SLK: variants seen among roughly 807,000 people sequenced by gnomAD.
SLK encodes STE20-like serine/threonine-protein kinase.
SLK carries 67 observed loss-of-function variants against 147.7 expected under a neutral mutation model. That is an observed-to-expected ratio of 0.45 (90% CI 0.37 to 0.56). SLK has a LOEUF of 0.56. Among genes scored for constraint, SLK ranks in the 20% least tolerant of loss-of-function variants. SLK has a pLI of 0.00. For missense variants in SLK, 1,136 were observed against 1,438.8 expected (o/e 0.79, Z 3.41); for synonymous variants, 441 against 475.0 (o/e 0.93, Z 0.93).
intron 1 of SLK, among the ~76,000 whole-genome samples, chr10:103,979,047 A>T (rs1170813595): frequency 6.6e-6 from 1 of 152,096 alleles, no homozygotes; most frequent in African/African-American, 2.4e-5. Context: ...ACAGGGTCTC[A>T]CTCTGTCGCC....
chr10:104,001,096 T>G (rs951049025), intron 7 of SLK, among the ~76,000 whole-genome samples: 146 of 148,902 alleles, frequency 9.8e-4, no homozygotes, highest in African/African-American at 3.4e-3. Flanking sequence ...AGTAATAATG[T>G]AGTGACCTGA....
rs377187237 is a variant in SLK at position 104,026,663 on chromosome 10, C to T, written c.*943C>T. The T allele has an allele frequency of 2.0e-5, 3 of 152,270 alleles. No homozygotes were observed. The East Asian group carries it at 5.8e-4, about 29-fold the overall frequency. The allele number at this position is 152,270 out of a possible 1,614,324, so 9.4% of individuals were successfully genotyped here. ...ATCTTAGCTAATTCTGTTTAAAACT[C>T]TGTCAGAGGCCTGCAGGCTGTGAGT... On this transcript the variant is annotated 3_prime_UTR_variant, in exon 19 of 19. Transcript: ENST00000369755.
intron 7 of SLK, among the ~76,000 whole-genome samples, chr10:104,001,058 C>CAAAAAAA (rs57046306): frequency 8.5e-5 from 6 of 71,004 alleles, no homozygotes; most frequent in Non-Finnish European, 1.2e-4. Flanking sequence ...GACTCCGTCT[C>CAAAAAAA]AAAAAAAAAA....
chr10:103,968,766 A>G (rs1189147317), intron 1 of SLK, among the ~76,000 whole-genome samples: 2 of 152,224 alleles, frequency 1.3e-5, no homozygotes, highest in African/African-American at 4.8e-5. Context: ...GTTTTTAAGT[A>G]CTTTCAAATA....
At chr10:103,983,097 C>T (rs946084679) in intron 1 of SLK, among the ~76,000 whole-genome samples, 3 of 152,124 alleles carry the variant, frequency 2.0e-5, no homozygotes, top group African/African-American at 4.8e-5. Flanking sequence ...TTTCAGTAGT[C>T]GCTAATTCAG....
At chr10:104,023,784 G>T (rs1589549387) in intron 18 of SLK, among the ~76,000 whole-genome samples, 1 of 151,988 alleles carries the variant, frequency 6.6e-6, no homozygotes, top group African/African-American at 2.4e-5. Flanking sequence ...GTCCCCTCTT[G>T]CGAGTGAGAA....
intron 2 of SLK, among the ~76,000 whole-genome samples, chr10:103,991,598 A>G (rs1003981609): frequency 2.0e-5 from 3 of 152,006 alleles, no homozygotes; most frequent in Non-Finnish European, 4.4e-5. Context: ...TGGATAAGTC[A>G]GTTAACTTTT....
At chr10:103,998,830 TTC>T in intron 4 of SLK, 67 bp from the exon 5 acceptor site, 1 of 1,076,258 alleles carries the variant, frequency 9.3e-7, no homozygotes, top group Non-Finnish European at 1.4e-6. Flanking sequence ...AAAATGCTTT[TTC>T]TCCCCATTGA....
intron 4 of SLK, among the ~76,000 whole-genome samples, chr10:103,995,141 CTT>C (rs1358227643): frequency 6.6e-6 from 1 of 152,178 alleles, no homozygotes; most frequent in Non-Finnish European, 1.5e-5. Context: ...TTGGCTGTCT[CTT>C]ATCCTCAATT....
chr10:104,012,622 G>A (rs1844414088), intron 13 of SLK, among the ~76,000 whole-genome samples: 1 of 152,180 alleles, frequency 6.6e-6, no homozygotes, highest in Non-Finnish European at 1.5e-5. Context: ...CACACACCTG[G>A]GTAGTGGTAG....
intron 13 of SLK, among the ~76,000 whole-genome samples, chr10:104,014,361 C>T (rs572627555): frequency 2.0e-4 from 30 of 152,242 alleles, no homozygotes; most frequent in African/African-American, 7.0e-4. Flanking sequence ...AAGCTGTATT[C>T]TTTCTTGCAG....
At chr10:103,992,799 T>C (rs1844118271) in intron 3 of SLK, among the ~76,000 whole-genome samples, 153 bp downstream of exon 3, 1 of 152,194 alleles carries the variant, frequency 6.6e-6, no homozygotes, top group African/African-American at 2.4e-5. Context: ...TGGATAATTA[T>C]AGTAAAATTC....
At position 104,003,143 on chromosome 10, in the gene SLK, TGTG is replaced by T. The variant is rs1256085328; in HGVS notation, c.1970_1972del (p.Val657del). ...GCACTGAAGAAATGGAGGTCAGAAGTGTGGTGGCTGATACTGACCAAAAGGCTT... is the reference window on the plus strand; with the variant it reads ...GCACTGAAGAAATGGAGGTCAGAAGTGTGGCTGATACTGACCAAAAGGCTT... On this transcript the variant is annotated inframe_deletion, in exon 9 of 19. Transcript: ENST00000369755. 7 of 1,613,878 alleles carry T rather than the reference TGTG, an allele frequency of 4.3e-6. No individual in the cohort carries two copies. In the South Asian group the frequency reaches 7.7e-5, roughly 18 times the overall value.
intron 1 of SLK, chr10:103,974,565 A>G (rs1291734439): frequency 1.1e-5 from 1 of 88,324 alleles, no homozygotes; most frequent in Non-Finnish European, 2.1e-5. Flanking sequence ...CAGTGAGCCG[A>G]GATTGCGCCA....
At chr10:104,007,616 AAAAC>A (rs980840805) in intron 11 of SLK, among the ~76,000 whole-genome samples, 6 of 146,318 alleles carry the variant, frequency 4.1e-5, no homozygotes, top group Non-Finnish European at 7.5e-5. Flanking sequence ...TCAAAAAGAA[AAAAC>A]AAACAAAAAC....
intron 1 of SLK, among the ~76,000 whole-genome samples, chr10:103,986,852 A>AT (rs1479929790): frequency 6.6e-5 from 10 of 151,338 alleles, no homozygotes; most frequent in African/African-American, 2.4e-4. Context: ...TTAATTTTGT[A>AT]TTTTTAGTAG....
At position 104,025,994 on chromosome 10, in the gene SLK, G is replaced by A; in HGVS notation, c.*274G>A. On this transcript the variant is annotated 3_prime_UTR_variant, in exon 19 of 19. Transcript: ENST00000369755. Reference sequence around the variant, plus strand: ...TTAAAAATTATGTTCTTTAGACACTGCTACCTGAAAACTGTTGGAGAAATA... The same window carrying A: ...TTAAAAATTATGTTCTTTAGACACTACTACCTGAAAACTGTTGGAGAAATA... 3.3e-6 allele frequency: 1 copy of A among 299,190 alleles called. No homozygotes were observed. Among genetic ancestry groups the A allele is most frequent in the Non-Finnish European group, 6.1e-6 (1 of 163,916 alleles). The allele number at this position is 299,190 out of a possible 1,614,324, so 18.5% of individuals were successfully genotyped here. A position where few individuals can be genotyped will look rare whatever the true frequency, so the allele number is the denominator to read the frequency against.
chr10:103,997,835 T>C (rs2134486852), intron 4 of SLK, among the ~76,000 whole-genome samples: 1 of 152,132 alleles, frequency 6.6e-6, no homozygotes, highest in East Asian at 1.9e-4. Flanking sequence ...GTTACAGTTT[T>C]GATCAATTTT....
At chr10:104,009,846 T>G (rs146146642) in intron 12 of SLK, among the ~76,000 whole-genome samples, 66 of 152,216 alleles carry the variant, frequency 4.3e-4, no homozygotes, top group African/African-American at 1.5e-3. Context: ...TAATGGTGAT[T>G]TGGTTTCATG....
Sources: allele counts gnomAD v4.1 joint callset (sites outside exome capture counted in the v4.1 genomes callset), GRCh38; gene constraint gnomAD v4.1.1; transcripts MANE v1.5; gene names NCBI Gene and HGNC (gene_info 2026-07-23, HGNC 2026-07-21).